Variants in BRWD1 observed in about 807,000 individuals in gnomAD.
BRWD1 encodes the protein bromodomain and WD repeat-containing protein 1.
In BRWD1, 82 loss-of-function variants were observed where a neutral mutation model predicts 251.2. The observed-to-expected ratio is 0.33, with a 90% confidence interval of 0.27 to 0.39. BRWD1 has a LOEUF of 0.39. Among genes scored for constraint, BRWD1 ranks in the 10% least tolerant of loss-of-function variants. BRWD1 has a pLI of 1.00. For missense variants in BRWD1, 2,233 were observed against 2,711.6 expected, an observed-to-expected ratio of 0.82 and a Z score of 3.92; for synonymous variants, 918 against 902.8, an observed-to-expected ratio of 1.02 and a Z score of -0.30.
At chr21:39,249,009 A>G (rs1339125383) in intron 20 of BRWD1, among the ~76,000 whole-genome samples, 1 of 152,106 alleles carries the variant, frequency 6.6e-6, no homozygotes, top group South Asian at 2.1e-4. Flanking sequence ...TGGTATATAT[A>G]AACTATGGAA....
chr21:39,187,790 G>C lies in BRWD1; in HGVS notation c.*8469C>G. ...TCTGACCTAGGTATGTGACACACGAGATTCAGATTAAAATTCTAAAAAATA... is the reference window on the plus strand; with the variant it reads ...TCTGACCTAGGTATGTGACACACGACATTCAGATTAAAATTCTAAAAAATA... On this transcript the variant is annotated 3_prime_UTR_variant, in exon 41 of 41. Coordinates refer to ENST00000342449, the MANE Select transcript of BRWD1 (RefSeq NM_033656.4). 1 of 985,244 alleles carries C rather than the reference G, an allele frequency of 1.0e-6. No homozygotes were observed. Among genetic ancestry groups the C allele is most frequent in the Non-Finnish European group, 1.2e-6 (1 of 829,836 alleles). 61.0% of individuals were successfully genotyped at this position (985,244 alleles called of 1,614,324 possible). A position where few individuals can be genotyped will look rare whatever the true frequency, so the allele number is the denominator to read the frequency against.
chr21:39,248,641 C>CAAAAAAAAAAAAAAAAAAAAAAAAA, intron 20 of BRWD1, among the ~76,000 whole-genome samples: 1 of 83,300 alleles, frequency 1.2e-5, no homozygotes, highest in East Asian at 4.0e-4. Context: ...CCCTATCTCC[C>CAAAAAAAAAAAAAAAAAAAAAAAAA]AAAAAAAAAA....
At chr21:39,220,230 G>A (rs1026155436) in intron 29 of BRWD1, among the ~76,000 whole-genome samples, 7 of 152,110 alleles carry the variant, frequency 4.6e-5, no homozygotes, top group Admixed American at 1.3e-4. Flanking sequence ...ACCCACACGT[G>A]TGAAGAAATG....
rs148823718 is a variant in BRWD1, at chr21:39,215,350, C to T, written c.3672G>A (p.Ala1224=). ...CTATATATCTGACTTCCCAAACTAA[C>T]GCAGACAGCCTCCTTCAAAATAAAG... ...LVNRFYRRLS[A]LVWEVRYIEH... The change falls in exon 32 of 41, where the codon GCG becomes GCA. Residue 1224 remains alanine (A), a synonymous_variant. Coordinates refer to ENST00000342449, the MANE Select transcript of BRWD1 (RefSeq NM_033656.4). 119 of 1,612,984 alleles carry T rather than the reference C, an allele frequency of 7.4e-5. No homozygotes were observed. Among genetic ancestry groups the T allele is most frequent in the Non-Finnish European group, 9.8e-5 (115 of 1,179,396 alleles).
intron 13 of BRWD1, among the ~76,000 whole-genome samples, chr21:39,270,693 G>C (rs1419243384): frequency 2.0e-5 from 3 of 152,190 alleles, no homozygotes; most frequent in Non-Finnish European, 4.4e-5. Flanking sequence ...GCTTATGAAA[G>C]CAATGCTTTT....
chr21:39,297,003 T>C (rs1601487468), intron 5 of BRWD1: 3 of 985,378 alleles, frequency 3.0e-6, no homozygotes, highest in Non-Finnish European at 3.6e-6. Context: ...ATTATATAGC[T>C]TTCCCTTCAT....
Position 39,193,601 on chromosome 21 carries a change from A to T in BRWD1, c.*2658T>A. On this transcript the variant is annotated 3_prime_UTR_variant, in exon 41 of 41. Coordinates refer to ENST00000342449, the MANE Select transcript of BRWD1 (RefSeq NM_033656.4). ...TAGGACTTTGGACATACACAACCAA[A>T]GTAGTTTTTGTTTTTCACATACACC... 2 of 985,580 alleles carry T rather than the reference A, an allele frequency of 2.0e-6. No homozygotes were observed. Among genetic ancestry groups the T allele is most frequent in the Non-Finnish European group, 2.4e-6 (2 of 829,730 alleles). The allele number at this position is 985,580 out of a possible 1,614,324, so 61.1% of individuals were successfully genotyped here.
chr21:39,200,649 ATATAGTT>A (rs2146464985), intron 38 of BRWD1, among the ~76,000 whole-genome samples: 1 of 151,568 alleles, frequency 6.6e-6, no homozygotes, highest in East Asian at 1.9e-4. Flanking sequence ...GATTTACAAA[ATATAGTT>A]TATGTATTTT....
At chr21:39,258,439 A>G in intron 18 of BRWD1, 48 bp downstream of exon 18, 1 of 1,419,762 alleles carries the variant, frequency 7.0e-7, no homozygotes, top group Non-Finnish European at 9.4e-7. Flanking sequence ...TTACTCTTTA[A>G]TTTCAATGCA....
intron 38 of BRWD1, among the ~76,000 whole-genome samples, chr21:39,200,962 C>T (rs992244409): frequency 2.6e-5 from 4 of 152,082 alleles, no homozygotes; most frequent in African/African-American, 9.7e-5. Flanking sequence ...CCAGCCTGGG[C>T]GACAGAAAGA....
intron 36 of BRWD1, among the ~76,000 whole-genome samples, chr21:39,209,584 T>C (rs1484420725): frequency 2.0e-5 from 3 of 152,260 alleles, no homozygotes; most frequent in Admixed American, 6.5e-5. Context: ...AATGTTCTTA[T>C]GCTGTCAGCA....
chr21:39,217,026 TATATATATAAATATATATATATA>T (rs1568877478), intron 31 of BRWD1: 5 of 20,628 alleles, frequency 2.4e-4, no homozygotes, highest in South Asian at 3.2e-3. Flanking sequence ...TATATATATA[TATATATATAAATATATATATATA>T]TTTATATATA....
intron 36 of BRWD1, among the ~76,000 whole-genome samples, chr21:39,206,871 G>C (rs980813555): frequency 1.3e-5 from 2 of 152,204 alleles, no homozygotes; most frequent in African/African-American, 2.4e-5. Context: ...ATACAGCTAT[G>C]TATGTACAGA....
At chr21:39,312,715 C>G (rs2272578) in intron 4 of BRWD1, 126 bp downstream of exon 4, 494,540 of 545,922 alleles carry the variant, frequency 0.91, 225,967 homozygotes, top group Middle Eastern at 0.95. Flanking sequence ...ACGCAGCTAT[C>G]CCCGGGCCGC....
intron 23 of BRWD1, among the ~76,000 whole-genome samples, 162 bp from the exon 24 acceptor site, chr21:39,232,660 A>G (rs1199305900): frequency 6.6e-6 from 1 of 152,232 alleles, no homozygotes; most frequent in East Asian, 1.9e-4. Flanking sequence ...TCCTTTACAC[A>G]GGAATATATC....
chr21:39,319,928 C>T (rs77599780), intron 1 of BRWD1, among the ~76,000 whole-genome samples: 2,172 of 152,218 alleles, frequency 0.014, 49 homozygotes, highest in African/African-American at 0.049. Flanking sequence ...CCTGTCACTA[C>T]TTTTAAAAAC....
At chr21:39,215,425 A>G (rs1257702901) in intron 31 of BRWD1, 63 bp from the exon 32 acceptor site, 1 of 1,427,446 alleles carries the variant, frequency 7.0e-7, no homozygotes, top group Non-Finnish European at 9.7e-7. Context: ...AAGTGAAAAA[A>G]TGCAGCATGT....
upstream of BRWD1, chr21:39,315,749 A>T (rs1393247512): frequency 1.6e-4 from 6 of 36,366 alleles, no homozygotes; most frequent in African/African-American, 4.3e-4. Flanking sequence ...ATGGAGATTA[A>T]AAAAAAAAAA....
intron 36 of BRWD1, among the ~76,000 whole-genome samples, chr21:39,208,243 G>A (rs35774464): frequency 0.25 from 37,683 of 152,020 alleles, 5,683 homozygotes; most frequent in Non-Finnish European, 0.35. Context: ...TTTGAGGGGC[G>A]CAGGGAAGAC....
Sources: gnomAD v4.1 joint callset for allele counts (sites outside exome capture counted in the v4.1 genomes callset) on GRCh38, gnomAD v4.1.1 for gene constraint, MANE v1.5 for transcripts, NCBI Gene and HGNC (gene_info 2026-07-23, HGNC 2026-07-21) for gene names.